PITPNA: variants seen among roughly 807,000 people sequenced by gnomAD.
The protein encoded by PITPNA is phosphatidylinositol transfer protein alpha isoform.
In PITPNA, 13 loss-of-function variants were observed where a neutral mutation model predicts 50.3. The ratio of observed to expected loss-of-function variants is 0.26; its 90% CI spans 0.17 to 0.41. The LOEUF (loss-of-function observed/expected upper bound fraction) is 0.41. Ranked by LOEUF, PITPNA falls within the 10% of genes least tolerant of loss-of-function variation. PITPNA has a pLI of 1.00. For synonymous variants in PITPNA, 120 were observed against 119.6 expected (o/e 1.00, Z -0.02); for missense variants, 207 against 333.4 (o/e 0.62, Z 2.95).
At chr17:1,559,175 G>A (rs769337088) in intron 1 of PITPNA, among the ~76,000 whole-genome samples, 18 of 152,114 alleles carry the variant, frequency 1.2e-4, no homozygotes, top group Non-Finnish European at 1.8e-4. Context: ...ATCTCTGCTC[G>A]GGGCTGGATA....
intron 7 of PITPNA, chr17:1,535,932 T>G (rs2075613257): frequency 1.5e-5 from 3 of 198,256 alleles, no homozygotes; most frequent in Admixed American, 5.5e-5. Context: ...TTGTTTTTTG[T>G]TTTTTTAAAT....
intron 3 of PITPNA, among the ~76,000 whole-genome samples, chr17:1,552,487 C>A (rs1193694445): frequency 6.6e-6 from 1 of 152,150 alleles, no homozygotes; most frequent in Non-Finnish European, 1.5e-5. Context: ...AATGCTGATG[C>A]CTTTGATCCA....
At chr17:1,540,999 A>G (rs928126902) in intron 6 of PITPNA, among the ~76,000 whole-genome samples, 5 of 151,868 alleles carry the variant, frequency 3.3e-5, no homozygotes, top group Non-Finnish European at 5.9e-5. Flanking sequence ...CCCAGCCTCA[A>G]ATGATCCTCC....
chr17:1,543,902 CAAGAAAACCACGTTAGAAT>C (rs2075660323), intron 4 of PITPNA, among the ~76,000 whole-genome samples: 1 of 152,204 alleles, frequency 6.6e-6, no homozygotes, highest in South Asian at 2.1e-4. Context: ...TTAGCAGCTT[CAAGAAAACCACGTTAGAAT>C]AAGAAAAGGA....
At chr17:1,539,497 C>G (rs1355110150) in intron 6 of PITPNA, among the ~76,000 whole-genome samples, 1 of 150,994 alleles carries the variant, frequency 6.6e-6, no homozygotes, top group African/African-American at 2.4e-5. Flanking sequence ...CTCTCTCAGT[C>G]TCCTGCCTGG....
At chr17:1,522,750 T>C (rs1051145190) in intron 10 of PITPNA, among the ~76,000 whole-genome samples, 2 of 152,220 alleles carry the variant, frequency 1.3e-5, no homozygotes, top group African/African-American at 4.8e-5. Context: ...AGACCAGTTC[T>C]CTCCTCAAGG....
At position 1,521,654 on chromosome 17, in the gene PITPNA, A is replaced by G. The variant is rs2277669; in HGVS notation, c.769-9T>C. On this transcript the variant is annotated splice_polypyrimidine_tract_variant and intron_variant, in intron 10 of 11. Transcript: ENST00000313486. ...GGGTCCTTTTGTCTCATCTGGAACA[A>G]AAAAAGCAGGACAAATGGAAGGCTC... 0.49 allele frequency: 780,471 copies of G among 1,608,334 alleles called. 190,991 individuals carry two copies. Among genetic ancestry groups the G allele is most frequent in the East Asian group, 0.6 (26,895 of 44,816 alleles).
chr17:1,533,033 A>C (rs1482880911), intron 10 of PITPNA, among the ~76,000 whole-genome samples: 1 of 152,218 alleles, frequency 6.6e-6, no homozygotes, highest in Non-Finnish European at 1.5e-5. Flanking sequence ...CATGGGCAGC[A>C]TGGGCGCCCA....
chr17:1,526,745 T>C (rs1423592783), intron 10 of PITPNA, among the ~76,000 whole-genome samples: 4 of 152,146 alleles, frequency 2.6e-5, no homozygotes, highest in Admixed American at 6.5e-5. Flanking sequence ...ACCACTGAAA[T>C]AAAATTCATT....
chr17:1,521,381 G>A lies in PITPNA; in HGVS notation c.*22+198C>T, dbSNP rs145383336. On this transcript the variant is annotated intron_variant, in intron 11 of 11. Coordinates refer to ENST00000313486, the MANE Select transcript of PITPNA (RefSeq NM_006224.4). ...CCTGTCCATTGTCTCTATCTGGGTGGTTCTTTGGAAAATGTCCCTGAAATG... is the reference window on the plus strand; with the variant it reads ...CCTGTCCATTGTCTCTATCTGGGTGATTCTTTGGAAAATGTCCCTGAAATG... Among the ~76,000 whole-genome samples, 528 of 152,238 alleles carry A rather than the reference G, an allele frequency of 3.5e-3. 3 individuals carry two copies. The highest frequency in any genetic ancestry group is 0.012 in the African/African-American group (489 of 41,528).
At chr17:1,544,676 G>A (rs2075664180) in intron 4 of PITPNA, among the ~76,000 whole-genome samples, 3 of 152,348 alleles carry the variant, frequency 2.0e-5, no homozygotes, top group South Asian at 2.1e-4. Context: ...GGTGGCTCCC[G>A]CCTGGAATCC....
chr17:1,528,339 C>T (rs1314865127), intron 10 of PITPNA, among the ~76,000 whole-genome samples: 2 of 152,184 alleles, frequency 1.3e-5, no homozygotes, highest in African/African-American at 2.4e-5. Flanking sequence ...CGGGGTTTCT[C>T]CATGTTGGCC....
chr17:1,545,233 A>T (rs1356595433), intron 4 of PITPNA, among the ~76,000 whole-genome samples: 1 of 152,236 alleles, frequency 6.6e-6, no homozygotes, highest in Admixed American at 6.5e-5. Context: ...GCTGATCATT[A>T]CCAGGGTGTC....
chr17:1,557,243 G>C (rs1048659901), intron 2 of PITPNA, among the ~76,000 whole-genome samples: 2 of 152,144 alleles, frequency 1.3e-5, no homozygotes, highest in Non-Finnish European at 2.9e-5. Flanking sequence ...CACCCCTGGA[G>C]GCAGTCCTCT....
chr17:1,522,295 TCTC>T (rs1469265717), intron 10 of PITPNA, among the ~76,000 whole-genome samples: 1 of 149,992 alleles, frequency 6.7e-6, no homozygotes, highest in Non-Finnish European at 1.5e-5. Context: ...ATGGTCTCGA[TCTC>T]CTGACCTCAT....
intron 6 of PITPNA, among the ~76,000 whole-genome samples, chr17:1,539,213 G>A (rs1423791594): frequency 1.3e-5 from 2 of 152,130 alleles, no homozygotes; most frequent in Admixed American, 6.5e-5. Context: ...ATGAACTCCT[G>A]GGCCGGAGTG....
chr17:1,551,073 C>G (rs1368695207), intron 3 of PITPNA, among the ~76,000 whole-genome samples: 1 of 150,938 alleles, frequency 6.6e-6, no homozygotes, highest in Non-Finnish European at 1.5e-5. Flanking sequence ...GGGGCGGAGT[C>G]AGCGGGACCT....
At chr17:1,535,719 A>C (rs1298490818) in intron 7 of PITPNA, 2 of 589,562 alleles carry the variant, frequency 3.4e-6, no homozygotes, top group Non-Finnish European at 6.1e-6. Flanking sequence ...TTTCTCCGAT[A>C]GGGTTTGTTT....
chr17:1,522,140 C>T (rs1183844427), intron 10 of PITPNA, among the ~76,000 whole-genome samples: 2 of 149,952 alleles, frequency 1.3e-5, no homozygotes, highest in South Asian at 2.1e-4. Flanking sequence ...GGCGCAATCT[C>T]GGCTCACTGC....
Sources: gnomAD v4.1 joint callset for allele counts (sites outside exome capture counted in the v4.1 genomes callset) on GRCh38, gnomAD v4.1.1 for gene constraint, MANE v1.5 for transcripts, NCBI Gene and HGNC (gene_info 2026-07-23, HGNC 2026-07-21) for gene names.